RTEL1: variants seen among roughly 807,000 people sequenced by gnomAD.
The protein encoded by RTEL1 is regulator of telomere elongation helicase 1, also known as regulator of telomere length.
RTEL1 carries 86 observed loss-of-function variants against 162.2 expected under a neutral mutation model. The observed-to-expected ratio is 0.53, with a 90% CI of 0.45 to 0.63. RTEL1 has a LOEUF of 0.63. RTEL1 is among the 30% of genes least tolerant of loss of function. The pLI, the probability that RTEL1 is intolerant of heterozygous loss-of-function variation, is 0.00. For synonymous variants in RTEL1, 958 were observed against 717.9 expected (o/e 1.33, Z -5.35); for missense variants, 1,941 against 1,750.2 (o/e 1.11, Z -1.95).
In RTEL1 at chr20:63,678,325, G is replaced by C. The variant is rs756238648; in HGVS notation, c.1016G>C (p.Ser339Thr). ...IDAVELPGDD[S>T]GVTKPGSYIF... ...GCTGTTGAGCTGCCTGGAGACGACA[G>C]CGGTGTCACCAAGCCAGGGAGGTGA... Residue 339 changes from serine to threonine, a missense_variant, in exon 12 of 35, where the codon AGC (serine) becomes ACC (threonine). Physicochemically the swap from Ser to Thr is moderately conservative, Grantham distance 58 (BLOSUM62 1). Coordinates refer to ENST00000360203, the MANE Select transcript of RTEL1 (RefSeq NM_001283009.2). 1.3e-5 allele frequency: 21 copies of C among 1,612,732 alleles called. No homozygotes were observed. The highest frequency in any genetic ancestry group is 1.4e-5 in the Non-Finnish European group (17 of 1,179,774).
intron 27 of RTEL1, 47 bp downstream of exon 27, chr20:63,690,994 AG>A: frequency 6.6e-7 from 1 of 1,508,292 alleles, no homozygotes; most frequent in Non-Finnish European, 8.9e-7. Flanking sequence ...CTGTCTCCTG[AG>A]GCCAACCCGA....
In RTEL1 at chr20:63,689,489, G is replaced by A. The variant is rs1049332287; in HGVS notation, c.1879-13G>A. On this transcript the variant is annotated splice_polypyrimidine_tract_variant and intron_variant, in intron 22 of 34. Transcript: ENST00000360203. Reference sequence around the variant, plus strand: ...CCCCACGGCCCCAGGCAGCTCCCTGGTGTGTCCCCTAGGCCAGCGAGGGGC... The same window carrying A: ...CCCCACGGCCCCAGGCAGCTCCCTGATGTGTCCCCTAGGCCAGCGAGGGGC... 1 of 1,570,708 alleles carries A rather than the reference G, an allele frequency of 6.4e-7. No individual in the cohort carries two copies. The highest frequency in any genetic ancestry group is 1.3e-5 in the African/African-American group (1 of 74,340).
chr20:63,672,357 C>T (rs981707100), intron 8 of RTEL1, among the ~76,000 whole-genome samples, 199 bp from the exon 9 acceptor site: 2 of 152,152 alleles, frequency 1.3e-5, no homozygotes, highest in Admixed American at 1.3e-4. Context: ...TGTGGAGGAG[C>T]GTCTCCCGGT....
chr20:63,687,463 T>G, intron 16 of RTEL1, 175 bp from the exon 17 acceptor site: 2 of 730,942 alleles, frequency 2.7e-6, no homozygotes, highest in Non-Finnish European at 4.3e-6. Flanking sequence ...GCTGGCAGGC[T>G]CACACTCAGG....
At chr20:63,676,175 C>G (rs1306793999) in intron 10 of RTEL1, among the ~76,000 whole-genome samples, 1 of 152,132 alleles carries the variant, frequency 6.6e-6, no homozygotes, top group Non-Finnish European at 1.5e-5. Flanking sequence ...GCCTCCACCT[C>G]TTGGGCTCAA....
At chr20:63,674,434 C>A (rs1034650223) in intron 10 of RTEL1, among the ~76,000 whole-genome samples, 1 of 152,338 alleles carries the variant, frequency 6.6e-6, no homozygotes, top group East Asian at 1.9e-4. Context: ...TCAACTTGGC[C>A]TCTACTGTGT....
rs376313219 is a variant in RTEL1 at position 63,695,611 on chromosome 20, C to T, written c.3783C>T (p.Asp1261=). Residue 1261 remains aspartate, a synonymous_variant, in exon 34 of 35, where the codon GAC becomes GAT. Transcript: ENST00000360203. ...DVVPFQCPAC[D]FQRCQACWQR... ...TGCCCTTCCAGTGCCCTGCCTGTGA[C>T]TTCCAGCGCTGCCAAGCCTGCTGGC... 2.5e-6 allele frequency: 4 copies of T among 1,611,784 alleles called. No individual in the cohort carries two copies. In the Admixed American group the frequency reaches 5.0e-5, roughly 20 times the overall value.
intron 15 of RTEL1, 61 bp downstream of exon 15, chr20:63,685,658 G>T: frequency 6.3e-7 from 1 of 1,591,378 alleles, no homozygotes; most frequent in Non-Finnish European, 8.5e-7. Context: ...AGGGCTGGGG[G>T]CCTTACAGTC....
chr20:63,676,690 C>T (rs1486558195), intron 10 of RTEL1, among the ~76,000 whole-genome samples: 3 of 152,208 alleles, frequency 2.0e-5, no homozygotes, highest in African/African-American at 7.2e-5. Context: ...CATCCCAGCA[C>T]TTTGGGAGGC....
intron 27 of RTEL1, 42 bp from the exon 28 acceptor site, chr20:63,691,700 T>G: frequency 1.3e-6 from 2 of 1,519,158 alleles, no homozygotes; most frequent in Non-Finnish European, 1.8e-6. Context: ...CCAGAGTGTG[T>G]GGTTGGGGTC....
chr20:63,692,456 C>G (rs1315012660), intron 28 of RTEL1: 2 of 369,354 alleles, frequency 5.4e-6, no homozygotes, highest in African/African-American at 4.1e-5. Flanking sequence ...CGCTGCCATC[C>G]TGGGAGCCTC....
intron 21 of RTEL1, 200 bp from the exon 22 acceptor site, chr20:63,688,855 G>A: frequency 1.5e-6 from 1 of 661,174 alleles, no homozygotes; most frequent in Non-Finnish European, 2.6e-6. Context: ...TGGCCCTGGG[G>A]TTCCCCGTGT....
intron 8 of RTEL1, 31 bp downstream of exon 8, chr20:63,667,584 C>G (rs780775917): frequency 2.6e-6 from 4 of 1,560,552 alleles, no homozygotes; most frequent in Non-Finnish European, 3.5e-6. Flanking sequence ...CTGACGACTC[C>G]TGATGTCCAG....
intron 6 of RTEL1, 101 bp from the exon 7 acceptor site, chr20:63,665,903 C>T (rs2090116423): frequency 1.8e-6 from 2 of 1,114,158 alleles, no homozygotes; most frequent in East Asian, 5.1e-5. Context: ...ACGCCCAGCC[C>T]TGCCCGCCGT....
intron 27 of RTEL1, 53 bp downstream of exon 27, chr20:63,691,000 AC>A (rs1189672230): frequency 6.7e-7 from 1 of 1,492,068 alleles, no homozygotes; most frequent in East Asian, 2.5e-5. Context: ...CCTGAGGCCA[AC>A]CCGACCCCGC....
intron 14 of RTEL1, among the ~76,000 whole-genome samples, chr20:63,683,185 C>G (rs1223339825): frequency 1.3e-5 from 2 of 152,198 alleles, no homozygotes; most frequent in Non-Finnish European, 2.9e-5. Context: ...AGGCTGGTCT[C>G]AAACTCCTGG....
rs535017221 is a variant in RTEL1 at position 63,667,063 on chromosome 20, T to A, written c.615-406T>A. ...ACCGTGTTAGCCAGGATGGTCTCGA[T>A]CTTCTGACCTTGTGATCCGCCCACC... On this transcript the variant is annotated intron_variant, in intron 7 of 34. Transcript: ENST00000360203. 6.0e-3 allele frequency among the ~76,000 whole-genome samples: 909 copies of A among 151,906 alleles called. 1 individual carries two copies. The highest frequency in any genetic ancestry group is 0.017 in the Middle Eastern group (5 of 292).
intron 10 of RTEL1, among the ~76,000 whole-genome samples, chr20:63,675,307 C>T (rs1469965629): frequency 2.0e-5 from 3 of 152,200 alleles, no homozygotes; most frequent in Non-Finnish European, 4.4e-5. Context: ...TGAGCATCTC[C>T]AGGTGTAAAC....
At position 63,693,130 on chromosome 20, in the gene RTEL1, C is replaced by T. The variant is rs770559649; in HGVS notation, c.2852-13C>T. The T allele has an allele frequency of 1.4e-5, 22 of 1,612,136 alleles. No individual in the cohort carries two copies. Among genetic ancestry groups the T allele is most frequent in the East Asian group, 4.5e-5 (2 of 44,900 alleles). ...AAAGGGGCAGATGGGGACAGACGCC[C>T]CTTCCTCTACAGGCTTCTACCAGTT... On this transcript the variant is annotated splice_polypyrimidine_tract_variant and intron_variant, in intron 29 of 34. Coordinates refer to ENST00000360203, the MANE Select transcript of RTEL1 (RefSeq NM_001283009.2).
Sources: allele counts gnomAD v4.1 joint callset (sites outside exome capture counted in the v4.1 genomes callset), GRCh38; gene constraint gnomAD v4.1.1; transcripts MANE v1.5; gene names NCBI Gene and HGNC (gene_info 2026-07-23, HGNC 2026-07-21).